GLG1: variants seen among roughly 807,000 people sequenced by gnomAD.
The protein encoded by GLG1 is Golgi apparatus protein 1.
Under a neutral mutation model 160.5 loss-of-function variants are expected in GLG1, and 38 were observed. That is an observed-to-expected ratio of 0.24 (90% CI 0.18 to 0.31). The LOEUF (loss-of-function observed/expected upper bound fraction) is 0.31. Ranked by LOEUF, GLG1 falls within the 10% of genes least tolerant of loss-of-function variation. GLG1 has a pLI of 1.00. For missense variants in GLG1, 1,373 were observed against 1,505.2 expected, an observed-to-expected ratio of 0.91 and a Z score of 1.45; for synonymous variants, 644 against 543.4, an observed-to-expected ratio of 1.19 and a Z score of -2.57.
In GLG1 at chr16:74,496,538, G is replaced by C; in HGVS notation, c.881C>G (p.Ala294Gly). ...TGACAGCTCAGCCACCCGGAGAATGGCTTTCTTGCAGAGTTCAGAAACTTG... is the reference window on the plus strand; with the variant it reads ...TGACAGCTCAGCCACCCGGAGAATGCCTTTCTTGCAGAGTTCAGAAACTTG... ...KIQVSELCKK[A>G]ILRVAELSSD... Residue 294 changes from alanine (A) to glycine (G), a missense_variant, in exon 5 of 26, where the codon GCC becomes GGC. Ala to Gly is a moderately conservative substitution (Grantham distance 60). This residue lies in a region of GLG1 where 174 missense variants were observed against 229.9 expected (regional missense o/e 0.76). Coordinates refer to ENST00000422840, the MANE Select transcript of GLG1 (RefSeq NM_001145667.2). 6.2e-7 allele frequency: 1 copy of C among 1,613,474 alleles called. No individual in the cohort carries two copies. The highest frequency in any genetic ancestry group is 8.5e-7 in the Non-Finnish European group (1 of 1,179,442).
At chr16:74,496,111 T>A (rs2016176244) in intron 5 of GLG1, among the ~76,000 whole-genome samples, 4 of 152,150 alleles carry the variant, frequency 2.6e-5, no homozygotes, top group African/African-American at 7.2e-5. Flanking sequence ...AAAAAATTTT[T>A]AAAAAAATTG....
chr16:74,574,652 GA>G (rs1407446311), intron 1 of GLG1, among the ~76,000 whole-genome samples: 1 of 151,836 alleles, frequency 6.6e-6, no homozygotes, highest in Non-Finnish European at 1.5e-5. Flanking sequence ...GGAGGCTGAG[GA>G]GGGAGGATCA....
chr16:74,581,004 G>A (rs544835019), intron 1 of GLG1, among the ~76,000 whole-genome samples: 5 of 152,292 alleles, frequency 3.3e-5, no homozygotes, highest in South Asian at 2.1e-4. Flanking sequence ...AAGTGTTGGT[G>A]AGGATGTGAA....
At chr16:74,566,770 G>C (rs576534493) in intron 1 of GLG1, among the ~76,000 whole-genome samples, 1 of 152,206 alleles carries the variant, frequency 6.6e-6, no homozygotes, top group South Asian at 2.1e-4. Context: ...TCAGAATGGA[G>C]AAAGTGCATA....
At chr16:74,555,741 G>C (rs1313789511) in intron 1 of GLG1, among the ~76,000 whole-genome samples, 1 of 151,540 alleles carries the variant, frequency 6.6e-6, no homozygotes, top group Non-Finnish European at 1.5e-5. Context: ...TGGGTTTCAG[G>C]AACAATTAGC....
intron 1 of GLG1, among the ~76,000 whole-genome samples, chr16:74,569,238 G>GT (rs2018749621): frequency 2.0e-5 from 3 of 152,344 alleles, no homozygotes; most frequent in Admixed American, 2.0e-4. Context: ...TGAGAATGAT[G>GT]TAAGATGGTC....
intron 1 of GLG1, among the ~76,000 whole-genome samples, chr16:74,590,621 CA>C (rs11321370): frequency 0.6 from 45,876 of 76,248 alleles, 10,868 homozygotes; most frequent in East Asian, 0.73. Context: ...ACTCCGTCTC[CA>C]AAAAAAAAAA....
chr16:74,531,603 A>C (rs992939589), intron 2 of GLG1, among the ~76,000 whole-genome samples: 2 of 152,186 alleles, frequency 1.3e-5, no homozygotes, highest in African/African-American at 4.8e-5. Context: ...GTGGGATTAC[A>C]GGTGTGAACC....
chr16:74,461,206 C>T (rs1207408165), intron 22 of GLG1, among the ~76,000 whole-genome samples: 2 of 148,624 alleles, frequency 1.3e-5, no homozygotes, highest in South Asian at 2.1e-4. Context: ...CTCGCTCTGT[C>T]GCCCAGGCTG....
chr16:74,471,806 A>G (rs1463173521), intron 14 of GLG1, among the ~76,000 whole-genome samples: 1 of 152,182 alleles, frequency 6.6e-6, no homozygotes, highest in Non-Finnish European at 1.5e-5. Flanking sequence ...TCTTCTTAAA[A>G]AGGGCAACTC....
intron 8 of GLG1, among the ~76,000 whole-genome samples, chr16:74,489,886 GTGTTTCAGACCGCAAAGTTT>G (rs1464482649): frequency 1.3e-5 from 2 of 152,120 alleles, no homozygotes; most frequent in Admixed American, 1.3e-4. Flanking sequence ...TAAAACTGTT[GTGTTTCAGACCGCAAAGTTT>G]TGTTTCAGAC....
intron 1 of GLG1, among the ~76,000 whole-genome samples, chr16:74,551,528 T>G (rs2018199115): frequency 6.7e-6 from 1 of 150,178 alleles, no homozygotes; most frequent in Non-Finnish European, 1.5e-5. Flanking sequence ...ATGTTGGCCA[T>G]GCTGGTCTCG....
chr16:74,495,859 G>T (rs531247785), intron 5 of GLG1, among the ~76,000 whole-genome samples: 8 of 152,290 alleles, frequency 5.3e-5, no homozygotes, highest in African/African-American at 1.9e-4. Flanking sequence ...AGTCATCAAG[G>T]TTGAGCATCC....
chr16:74,484,783 A>G (rs2015733687), intron 9 of GLG1, among the ~76,000 whole-genome samples: 1 of 152,060 alleles, frequency 6.6e-6, no homozygotes, highest in South Asian at 2.1e-4. Context: ...AAATAAAAAT[A>G]AATTGTATTT....
chr16:74,503,847 T>C (rs2016503640), intron 3 of GLG1, 101 bp from the exon 4 acceptor site: 2 of 775,864 alleles, frequency 2.6e-6, no homozygotes, highest in South Asian at 1.7e-5. Flanking sequence ...GTTGATTTCC[T>C]AATTCTTTAC....
chr16:74,470,190 G>A lies in GLG1; in HGVS notation c.2230-117C>T, dbSNP rs924249939. 3.8e-5 allele frequency: 27 copies of A among 714,228 alleles called. 2 individuals are homozygous for A. Among genetic ancestry groups the A allele is most frequent in the East Asian group, 1.3e-4 (5 of 39,084 alleles). 44.2% of individuals were successfully genotyped at this position (714,228 alleles called of 1,614,324 possible). A position where few individuals can be genotyped will look rare whatever the true frequency, so the allele number is the denominator to read the frequency against. ...CTGTTTACAAGACCCTGCATGGCTT[G>A]ACCCACACGTGAGACATCACGACCT... On this transcript the variant is annotated intron_variant, in intron 15 of 25. Transcript: ENST00000422840.
At chr16:74,503,090 C>G (rs897665202) in intron 4 of GLG1, among the ~76,000 whole-genome samples, 1 of 151,792 alleles carries the variant, frequency 6.6e-6, no homozygotes, top group South Asian at 2.1e-4. Context: ...GCCTGTAGTT[C>G]CAGCTACTCA....
At chr16:74,562,968 T>C (rs2018549392) in intron 1 of GLG1, 1 of 152,170 alleles carries the variant, frequency 6.6e-6, no homozygotes. Context: ...AGACTTGGAA[T>C]TGTACACCCA....
At chr16:74,572,276 C>T (rs1297871852) in intron 1 of GLG1, among the ~76,000 whole-genome samples, 4 of 151,938 alleles carry the variant, frequency 2.6e-5, no homozygotes, top group Admixed American at 6.6e-5. Flanking sequence ...TTGGGGAGGC[C>T]GAAATGGGTG....
Sources: allele counts gnomAD v4.1 joint callset (sites outside exome capture counted in the v4.1 genomes callset), GRCh38; gene constraint gnomAD v4.1.1; regional missense constraint gnomAD v4.1.1; transcripts MANE v1.5; gene names NCBI Gene and HGNC (gene_info 2026-07-23, HGNC 2026-07-21).